SLC39A14: variants seen among roughly 807,000 people sequenced by gnomAD.
The protein encoded by SLC39A14 is solute carrier family 39 member 14.
In SLC39A14, 19 loss-of-function variants were observed where a neutral mutation model predicts 45.5. The observed-to-expected ratio is 0.42, with a 90% CI of 0.29 to 0.61. SLC39A14 has a LOEUF of 0.61. Among genes scored for constraint, SLC39A14 ranks in the 20% least tolerant of loss-of-function variants. The pLI is 0.22. For missense variants in SLC39A14, 447 were observed against 616.5 expected (o/e 0.73, Z 2.91); for synonymous variants, 264 against 251.3 (o/e 1.05, Z -0.48).
chr8:22,369,221 C>T lies in SLC39A14; in HGVS notation c.-16+1813C>T, dbSNP rs577407345. 9.2e-5 allele frequency among the ~76,000 whole-genome samples: 14 copies of T among 152,250 alleles called. No individual in the cohort carries two copies. The South Asian group carries it at 2.3e-3, about 25-fold the overall frequency. ...TCTTCCCAAAGGGCCAGGCCAAAAGCAGGTTCTTGCTTAATTTATCATATT... is the reference window on the plus strand; with the variant it reads ...TCTTCCCAAAGGGCCAGGCCAAAAGTAGGTTCTTGCTTAATTTATCATATT... On this transcript the variant is annotated intron_variant, in intron 1 of 8. Transcript: ENST00000381237.
chr8:22,406,443 C>T (rs1052639848), intron 2 of SLC39A14, among the ~76,000 whole-genome samples: 2 of 152,142 alleles, frequency 1.3e-5, no homozygotes, highest in African/African-American at 4.8e-5. Context: ...CCTGTAACCC[C>T]AGCACTTTGG....
chr8:22,370,345 T>C (rs554111133), intron 1 of SLC39A14, among the ~76,000 whole-genome samples: 2 of 152,192 alleles, frequency 1.3e-5, no homozygotes, highest in East Asian at 3.9e-4. Flanking sequence ...TACACAGTAG[T>C]GTTGTGAATA....
At chr8:22,432,717 A>C (rs1250152566) in intron 8 of SLC39A14, among the ~76,000 whole-genome samples, 1 of 144,498 alleles carries the variant, frequency 6.9e-6, no homozygotes, top group African/African-American at 2.6e-5. Flanking sequence ...GCATGATCTC[A>C]GCTCACTGCA....
At chr8:22,371,682 C>T (rs1286236091) in intron 1 of SLC39A14, among the ~76,000 whole-genome samples, 6 of 151,008 alleles carry the variant, frequency 4.0e-5, no homozygotes, top group Non-Finnish European at 5.9e-5. Context: ...CTACCCACCT[C>T]GGCCTCCCAA....
chr8:22,381,960 G>A (rs1833538171), intron 1 of SLC39A14, among the ~76,000 whole-genome samples: 1 of 152,132 alleles, frequency 6.6e-6, no homozygotes, highest in Non-Finnish European at 1.5e-5. Flanking sequence ...GGCCGACATG[G>A]TGAAACCCCG....
Position 22,382,776 on chromosome 8 carries a change from G to A in SLC39A14, c.-16+15368G>A, listed in dbSNP as rs527806199. 1.9e-4 allele frequency among the ~76,000 whole-genome samples: 29 copies of A among 152,140 alleles called. No individual in the cohort carries two copies. The South Asian group carries it at 5.2e-3, about 27-fold the overall frequency. ...GCCACCCATGTTGGAGTGCAGTGTC[G>A]TAATCTCACCTCACCATAGCCTCCG... On this transcript the variant is annotated intron_variant, in intron 1 of 8. Transcript: ENST00000381237.
chr8:22,405,204 T>C (rs2132311684), intron 2 of SLC39A14, among the ~76,000 whole-genome samples: 1 of 152,368 alleles, frequency 6.6e-6, no homozygotes, highest in African/African-American at 2.4e-5. Context: ...ATAGGTGTTC[T>C]GAAGCCCTTA....
rs143614741 is a variant in SLC39A14 at position 22,378,154 on chromosome 8, G to A, written c.-16+10746G>A. Among the ~76,000 whole-genome samples the A allele has an allele frequency of 3.6e-3, 544 of 152,318 alleles. 5 individuals carry two copies. The highest frequency in any genetic ancestry group is 0.012 in the African/African-American group (510 of 41,568). On this transcript the variant is annotated intron_variant, in intron 1 of 8. Coordinates refer to ENST00000381237, the MANE Select transcript of SLC39A14 (RefSeq NM_001128431.4). ...GATTAATTGGAAGTAAACTGGAATAGGACAGAGTGCAGAGACCCATACTGC... is the reference window on the plus strand; with the variant it reads ...GATTAATTGGAAGTAAACTGGAATAAGACAGAGTGCAGAGACCCATACTGC...
At chr8:22,374,837 C>A (rs1486345277) in intron 1 of SLC39A14, among the ~76,000 whole-genome samples, 2 of 150,322 alleles carry the variant, frequency 1.3e-5, no homozygotes, top group Admixed American at 1.3e-4. Flanking sequence ...ACCTCCCCTC[C>A]TGAGCTCAAG....
intron 1 of SLC39A14, chr8:22,398,795 A>T (rs567224196): frequency 4.3e-4 from 419 of 980,060 alleles, no homozygotes; most frequent in Admixed American, 1.1e-3. Flanking sequence ...GTGAAGGGTG[A>T]CGGTAGGTGG....
At chr8:22,407,479 GC>G (rs1213908769) in intron 2 of SLC39A14, among the ~76,000 whole-genome samples, 1 of 150,954 alleles carries the variant, frequency 6.6e-6, no homozygotes, top group Admixed American at 6.6e-5. Flanking sequence ...TCCTGCCTCA[GC>G]CTCCCGAGTA....
chr8:22,407,907 C>G (rs998321726), intron 2 of SLC39A14, among the ~76,000 whole-genome samples: 3 of 151,736 alleles, frequency 2.0e-5, no homozygotes, highest in Non-Finnish European at 4.4e-5. Context: ...GAAGGGGTCT[C>G]ATGTTGCCCA....
rs146665961 is a variant in SLC39A14, at chr8:22,376,276, A to G, written c.-16+8868A>G. ...AGCCTCCACCTCCCAGTTTCAAGCA[A>G]TTCTCCTGCCTCAGCCTCCCAAGTA... On this transcript the variant is annotated intron_variant, in intron 1 of 8. Coordinates refer to ENST00000381237, the MANE Select transcript of SLC39A14 (RefSeq NM_001128431.4). Among the ~76,000 whole-genome samples, 754 of 151,014 alleles carry G rather than the reference A, an allele frequency of 5.0e-3. 7 individuals carry two copies. Among genetic ancestry groups the G allele is most frequent in the African/African-American group, 0.017 (718 of 41,100 alleles).
chr8:22,420,699 A>G lies in SLC39A14; in HGVS notation c.*1001A>G, dbSNP rs1287137819. 1.0e-6 allele frequency: 1 copy of G among 985,312 alleles called. No homozygotes were observed. Among genetic ancestry groups the G allele is most frequent in the Non-Finnish European group, 1.2e-6 (1 of 829,936 alleles). The allele number at this position is 985,312 out of a possible 1,614,324, so 61.0% of individuals were successfully genotyped here. A position where few individuals can be genotyped will look rare whatever the true frequency, so the allele number is the denominator to read the frequency against. ...GTGCCATTTATGCTCTACTTAGACAAGGGTAATCAGAAATGGAATCAGTGC... is the reference window on the plus strand; with the variant it reads ...GTGCCATTTATGCTCTACTTAGACAGGGGTAATCAGAAATGGAATCAGTGC... On this transcript the variant is annotated 3_prime_UTR_variant, in exon 9 of 9. Coordinates refer to ENST00000381237, the MANE Select transcript of SLC39A14 (RefSeq NM_001128431.4).
chr8:22,387,527 A>G (rs1343799459), intron 1 of SLC39A14, among the ~76,000 whole-genome samples: 1 of 152,180 alleles, frequency 6.6e-6, no homozygotes, highest in Admixed American at 6.5e-5. Context: ...AAGTGGAAAT[A>G]CATAAGTGGT....
intron 8 of SLC39A14, among the ~76,000 whole-genome samples, chr8:22,432,437 T>C (rs924603545): frequency 2.0e-5 from 3 of 151,900 alleles, no homozygotes; most frequent in African/African-American, 7.3e-5. Flanking sequence ...CCCTTCTCTC[T>C]CTCTTCTCCC....
chr8:22,414,879 A>G lies in SLC39A14; in HGVS notation c.727A>G (p.Ile243Val). The G allele has an allele frequency of 6.2e-7, 1 of 1,613,104 alleles. No individual in the cohort carries two copies. The highest frequency in any genetic ancestry group is 8.5e-7 in the Non-Finnish European group (1 of 1,179,794). The change falls in exon 5 of 9, where the codon ATT becomes GTT. Residue 243 changes from isoleucine to valine, a missense_variant. By Grantham distance (29) the Ile-to-Val change is conservative. This residue lies in a region of SLC39A14 where 342 missense variants were observed against 428.1 expected (regional missense o/e 0.80). Coordinates refer to ENST00000381237, the MANE Select transcript of SLC39A14 (RefSeq NM_001128431.4). ...LFFFTEKILK[I>V]LLKQKNEHHH... ...CTTTTTCACAGAGAAGATCTTGAAG[A>G]TTCTTCTTAAGCAGAAAAATGAGGT...
At chr8:22,432,319 C>T (rs1246928217) in intron 8 of SLC39A14, among the ~76,000 whole-genome samples, 2 of 152,084 alleles carry the variant, frequency 1.3e-5, no homozygotes, top group Non-Finnish European at 2.9e-5. Flanking sequence ...GGCGACAGAG[C>T]AAGACCCTGT....
At chr8:22,386,867 A>G (rs1833821525) in intron 1 of SLC39A14, among the ~76,000 whole-genome samples, 1 of 152,198 alleles carries the variant, frequency 6.6e-6, no homozygotes, top group African/African-American at 2.4e-5. Flanking sequence ...TTGAAGAATG[A>G]GCAGCATTTA....
Sources: allele counts gnomAD v4.1 joint callset (sites outside exome capture counted in the v4.1 genomes callset), GRCh38; gene constraint gnomAD v4.1.1; regional missense constraint gnomAD v4.1.1; transcripts MANE v1.5; gene names NCBI Gene and HGNC (gene_info 2026-07-23, HGNC 2026-07-21).